Variants in ERGIC1 observed in about 807,000 individuals in gnomAD.
ERGIC1 encodes the protein endoplasmic reticulum-Golgi intermediate compartment protein 1.
ERGIC1 carries 19 observed loss-of-function variants against 38.3 expected under a neutral mutation model. The ratio of observed to expected loss-of-function variants is 0.50; its 90% CI spans 0.35 to 0.73. The LOEUF (loss-of-function observed/expected upper bound fraction) is 0.73, where lower values mean the gene tolerates loss of function less well. Ranked by LOEUF, ERGIC1 falls within the 30% of genes least tolerant of loss-of-function variation. The pLI is 0.01. For missense variants in ERGIC1, 294 were observed against 389.2 expected, an observed-to-expected ratio of 0.76 and a Z score of 2.06; for synonymous variants, 124 against 157.6, an observed-to-expected ratio of 0.79 and a Z score of 1.60.
intron 1 of ERGIC1, among the ~76,000 whole-genome samples, chr5:172,879,170 G>C (rs1762220095): frequency 6.6e-6 from 1 of 152,244 alleles, no homozygotes; most frequent in Non-Finnish European, 1.5e-5. Context: ...GTCCCAAGCA[G>C]CAAAAGTTAA....
chr5:172,837,214 T>G lies in ERGIC1; in HGVS notation c.20+2781T>G, dbSNP rs1480701247. ...CTACGGATACTTCTGATTTTCTTACTGCCTGTAGAGCCTGGTGCAACTGAG... is the reference window on the plus strand; with the variant it reads ...CTACGGATACTTCTGATTTTCTTACGGCCTGTAGAGCCTGGTGCAACTGAG... On this transcript the variant is annotated intron_variant, in intron 1 of 9. Transcript: ENST00000393784. The surrounding 1 kb of genome is among the most constrained non-coding windows in gnomAD (Gnocchi z 4.3). Among the ~76,000 whole-genome samples the G allele has an allele frequency of 6.6e-6, 1 of 152,218 alleles. No homozygotes were observed. The highest frequency in any genetic ancestry group is 1.5e-5 in the Non-Finnish European group (1 of 68,034).
chr5:172,866,747 T>C (rs793028), intron 1 of ERGIC1, among the ~76,000 whole-genome samples: 137,846 of 152,264 alleles, frequency 0.91, 63,076 homozygotes, highest in East Asian at 1. Context: ...GCTCACCACC[T>C]GTATACTCTC....
chr5:172,889,196 A>G (rs1357102792), intron 2 of ERGIC1, among the ~76,000 whole-genome samples: 1 of 152,052 alleles, frequency 6.6e-6, no homozygotes, highest in African/African-American at 2.4e-5. Context: ...AGGCAGGAGA[A>G]TCGCTTGAAA....
intron 1 of ERGIC1, among the ~76,000 whole-genome samples, chr5:172,839,456 T>A (rs1429192701): frequency 6.6e-6 from 1 of 151,582 alleles, no homozygotes; most frequent in Non-Finnish European, 1.5e-5. Flanking sequence ...CCCAGCTTCT[T>A]GGGAGGCTGA....
At chr5:172,941,144 C>T (rs927621113) in intron 9 of ERGIC1, among the ~76,000 whole-genome samples, 1 of 152,002 alleles carries the variant, frequency 6.6e-6, no homozygotes, top group African/African-American at 2.4e-5. Flanking sequence ...CCAGGTAGCA[C>T]GCCTGTAGTC....
rs73325162 is a variant in ERGIC1 at position 172,890,133 on chromosome 5, G to A, written c.82+1373G>A. ...GTTGGCATGACCAGTGATAAGCCAC[G>A]TGCATATCGTGAGCCCCTGATAGGA... On this transcript the variant is annotated intron_variant, in intron 2 of 9. Coordinates refer to ENST00000393784, the MANE Select transcript of ERGIC1 (RefSeq NM_001031711.3). Among the ~76,000 whole-genome samples the A allele has an allele frequency of 7.2e-3, 1,095 of 152,298 alleles. 7 individuals carry two copies. The highest frequency in any genetic ancestry group is 0.025 in the South Asian group (121 of 4,828).
chr5:172,897,061 A>T lies in ERGIC1; in HGVS notation c.142A>T (p.Ile48Leu). The T allele has an allele frequency of 2.5e-6, 4 of 1,614,080 alleles. No individual in the cohort carries two copies. Among genetic ancestry groups the T allele is most frequent in the Non-Finnish European group, 3.4e-6 (4 of 1,179,952 alleles). ...FLFLSELTGF[I>L]TTEVVNELYV... ...CTTCCTCTCGGAGCTCACCGGATTT[A>T]TAACGACAGAAGTGTAAGTCATACT... is the stretch of plus-strand genomic sequence containing the variant. The change falls in exon 3 of 10, where the codon ATA becomes TTA. Residue 48 changes from isoleucine (I) to leucine (L), a missense_variant. Ile to Leu is a conservative substitution (Grantham distance 5). This residue lies in a region of ERGIC1 where 163 missense variants were observed against 225.8 expected (regional missense o/e 0.72). Coordinates refer to ENST00000393784, the MANE Select transcript of ERGIC1 (RefSeq NM_001031711.3).
At chr5:172,893,156 G>T (rs577884669) in intron 2 of ERGIC1, among the ~76,000 whole-genome samples, 1 of 151,810 alleles carries the variant, frequency 6.6e-6, no homozygotes, top group African/African-American at 2.4e-5. Context: ...GTTTTGTTTC[G>T]TTTTTTTTGA....
In ERGIC1 at chr5:172,950,940, G is replaced by A. The variant is rs559536333; in HGVS notation, c.*124G>A. Reference sequence around the variant, plus strand: ...GTGTCCCAAAGGGTGTGTGGGAAGTGGGGGGAAAGTAGAGGATGGCTCGAT... The same window carrying A: ...GTGTCCCAAAGGGTGTGTGGGAAGTAGGGGGAAAGTAGAGGATGGCTCGAT... On this transcript the variant is annotated 3_prime_UTR_variant, in exon 10 of 10. Transcript: ENST00000393784. The A allele has an allele frequency of 1.3e-6, 1 of 748,922 alleles. No homozygotes were observed. The highest frequency in any genetic ancestry group is 3.1e-5 in the East Asian group (1 of 32,606). The allele number at this position is 748,922 out of a possible 1,614,324, so 46.4% of individuals were successfully genotyped here. A position where few individuals can be genotyped will look rare whatever the true frequency, so the allele number is the denominator to read the frequency against.
In ERGIC1 at chr5:172,840,638, C is replaced by T. The variant is rs554499495; in HGVS notation, c.20+6205C>T. On this transcript the variant is annotated intron_variant, in intron 1 of 9. Coordinates refer to ENST00000393784, the MANE Select transcript of ERGIC1 (RefSeq NM_001031711.3). Reference sequence around the variant, plus strand: ...GCTGGGGCGTGGAGTTCCCGTCCCACCCATCACTCCTGCATGACCTTCGGC... The same window carrying T: ...GCTGGGGCGTGGAGTTCCCGTCCCATCCATCACTCCTGCATGACCTTCGGC... Among the ~76,000 whole-genome samples the T allele has an allele frequency of 2.0e-5, 3 of 152,242 alleles. No individual in the cohort carries two copies. In the South Asian group the frequency reaches 6.2e-4, roughly 32 times the overall value.
At chr5:172,893,905 A>AGATATATGTGTGTGTGTG (rs1762638276) in intron 2 of ERGIC1, among the ~76,000 whole-genome samples, 1 of 15,520 alleles carries the variant, frequency 6.4e-5, no homozygotes, top group Non-Finnish European at 2.1e-4. Flanking sequence ...ATATATATAT[A>AGATATATGTGTGTGTGTG]TGTGTGTGTG....
intron 9 of ERGIC1, chr5:172,935,915 C>T (rs920398231): frequency 6.6e-6 from 1 of 152,432 alleles, no homozygotes; most frequent in Non-Finnish European, 1.5e-5. Flanking sequence ...ACAGGAGGGT[C>T]AGGGTGCCCT....
At position 172,834,469 on chromosome 5, in the gene ERGIC1, T is replaced by A; in HGVS notation, c.20+36T>A. 1 of 1,303,016 alleles carries A rather than the reference T, an allele frequency of 7.7e-7. No individual in the cohort carries two copies. 80.7% of individuals were successfully genotyped at this position (1,303,016 alleles called of 1,614,324 possible). Reference sequence around the variant, plus strand: ...CGACCCCGGCCAGTCGGGAGTTCCCTCAGCGGGCAGAGGGAGCGCCCCGGC... The same window carrying A: ...CGACCCCGGCCAGTCGGGAGTTCCCACAGCGGGCAGAGGGAGCGCCCCGGC... On this transcript the variant is annotated intron_variant, in intron 1 of 9. Transcript: ENST00000393784. This position sits in a 1 kb window ranked among gnomAD's most constrained non-coding sequence, Gnocchi z 4.1.
intron 1 of ERGIC1, among the ~76,000 whole-genome samples, chr5:172,872,334 G>A (rs1430109177): frequency 2.0e-5 from 3 of 152,180 alleles, no homozygotes; most frequent in Non-Finnish European, 2.9e-5. Context: ...ACCTTGAATG[G>A]TTTTGAGGAT....
Position 172,893,920 on chromosome 5 carries a change from T to TATATATACACAC in ERGIC1, c.83-3082_83-3081insATATATACACAC, listed in dbSNP as rs1561721908. Among the ~76,000 whole-genome samples the TATATATACACAC allele has an allele frequency of 4.3e-4, 37 of 85,568 alleles. 1 individual carries two copies. The highest frequency in any genetic ancestry group is 5.9e-3 in the Middle Eastern group (1 of 170). 56.1% of individuals were successfully genotyped at this position (85,568 alleles called of 152,430 possible). ...ATATATATATATGTGTGTGTGTGTG[T>TATATATACACAC]GTGTGTGTGTGTGTGTATATATATA... On this transcript the variant is annotated intron_variant, in intron 2 of 9. Coordinates refer to ENST00000393784, the MANE Select transcript of ERGIC1 (RefSeq NM_001031711.3).
intron 8 of ERGIC1, 44 bp downstream of exon 8, chr5:172,932,580 T>C (rs1293304465): frequency 2.5e-6 from 4 of 1,583,138 alleles, no homozygotes; most frequent in Non-Finnish European, 3.5e-6. Flanking sequence ...GGCGGCGCCC[T>C]CTGCTGACGG....
chr5:172,934,912 C>T (rs1763854675), intron 8 of ERGIC1: 1 of 459,882 alleles, frequency 2.2e-6, no homozygotes, highest in African/African-American at 1.9e-5. Context: ...TTTTACAGCT[C>T]TGCTTTCTAA....
At chr5:172,854,288 G>C (rs145767534) in intron 1 of ERGIC1, among the ~76,000 whole-genome samples, 1 of 152,100 alleles carries the variant, frequency 6.6e-6, no homozygotes, top group African/African-American at 2.4e-5. Context: ...AGGCTGAGGC[G>C]GGAGGATCAC....
chr5:172,896,265 C>A (rs892514617), intron 2 of ERGIC1, among the ~76,000 whole-genome samples: 1 of 152,190 alleles, frequency 6.6e-6, no homozygotes, highest in Admixed American at 6.5e-5. Flanking sequence ...ATCGTTTGAA[C>A]CCAGGAGGTG....
Sources: gnomAD v4.1 joint callset for allele counts (sites outside exome capture counted in the v4.1 genomes callset) on GRCh38, gnomAD v4.1.1 for gene constraint, gnomAD v4.1.1 regional missense constraint, Gnocchi (gnomAD v3.1) non-coding constraint, MANE v1.5 for transcripts, NCBI Gene and HGNC (gene_info 2026-07-23, HGNC 2026-07-21) for gene names.